The following LRRTM4 variants were observed in gnomAD, a reference collection of about 807,000 sequenced individuals.
The protein encoded by LRRTM4 is leucine rich repeat transmembrane neuronal 4, also known as leucine-rich repeat transmembrane neuronal protein 4.
LRRTM4 carries 25 observed loss-of-function variants against 47.6 expected under a neutral mutation model. The ratio of observed to expected loss-of-function variants is 0.53; its 90% CI spans 0.38 to 0.73. The LOEUF (loss-of-function observed/expected upper bound fraction) is 0.73, where lower values mean the gene tolerates loss of function less well. Among genes scored for constraint, LRRTM4 ranks in the 30% least tolerant of loss-of-function variants. LRRTM4 has a pLI of 0.00. For missense variants in LRRTM4, 638 were observed against 713.4 expected, an observed-to-expected ratio of 0.89 and a Z score of 1.20; for synonymous variants, 311 against 269.5, an observed-to-expected ratio of 1.15 and a Z score of -1.51.
At chr2:76,827,155 G>T (rs1368518805) in intron 3 of LRRTM4, among the ~76,000 whole-genome samples, 2 of 151,814 alleles carry the variant, frequency 1.3e-5, no homozygotes, top group Non-Finnish European at 2.9e-5. Flanking sequence ...GAGATAATGT[G>T]CTGGCCACAC....
At chr2:77,236,568 G>A (rs1036793682) in intron 3 of LRRTM4, among the ~76,000 whole-genome samples, 12 of 151,936 alleles carry the variant, frequency 7.9e-5, no homozygotes, top group African/African-American at 2.2e-4. Flanking sequence ...TGTTGAATGG[G>A]AATGATGAGA....
intron 3 of LRRTM4, among the ~76,000 whole-genome samples, chr2:77,393,286 G>C (rs1673575799): frequency 6.6e-6 from 1 of 151,840 alleles, no homozygotes; most frequent in Non-Finnish European, 1.5e-5. Context: ...CCCTCCCACG[G>C]CATAGAGTCT....
chr2:77,102,064 C>T (rs980058841), intron 3 of LRRTM4, among the ~76,000 whole-genome samples: 1 of 152,216 alleles, frequency 6.6e-6, no homozygotes, highest in African/African-American at 2.4e-5. Context: ...TCTGTGTGTG[C>T]TGTTTCAGCA....
At chr2:77,387,375 T>A (rs772734560) in intron 3 of LRRTM4, among the ~76,000 whole-genome samples, 3 of 152,162 alleles carry the variant, frequency 2.0e-5, no homozygotes, top group Non-Finnish European at 4.4e-5. Context: ...GGACTTCTCA[T>A]GTTCCTGTAT....
intron 3 of LRRTM4, among the ~76,000 whole-genome samples, chr2:77,071,799 C>T (rs982601773): frequency 6.6e-6 from 1 of 152,260 alleles, no homozygotes; most frequent in Non-Finnish European, 1.5e-5. Flanking sequence ...TATACAGTAT[C>T]TGTTGTTGAT....
intron 3 of LRRTM4, among the ~76,000 whole-genome samples, chr2:77,299,046 C>T (rs981305010): frequency 1.8e-4 from 28 of 152,056 alleles, no homozygotes; most frequent in African/African-American, 6.5e-4. Context: ...GTTTACATAA[C>T]GTATAAAAAT....
chr2:77,267,724 C>T lies in LRRTM4; in HGVS notation c.1551+250594G>A, dbSNP rs543268514. On this transcript the variant is annotated intron_variant, in intron 3 of 3. Transcript: ENST00000409884. ...TATTTTTTTTTGATAATGCTCCTTT[C>T]AAGTTCAAAAATATCCTAGTTTGGA... is the stretch of plus-strand genomic sequence containing the variant. Among the ~76,000 whole-genome samples the T allele has an allele frequency of 3.9e-4, 55 of 142,534 alleles. 1 individual carries two copies. The highest frequency in any genetic ancestry group is 1.3e-3 in the African/African-American group (52 of 38,636). 93.5% of individuals were successfully genotyped at this position (142,534 alleles called of 152,430 possible).
Position 76,955,166 on chromosome 2 carries a change from T to C in LRRTM4, c.1552-206250A>G, listed in dbSNP as rs1675629440. ...TGAAGCTCACTGATAAGGGTAAATT[T>C]ATAGATAAATAAAAATATGGTAATT... On this transcript the variant is annotated intron_variant, in intron 3 of 3. Coordinates refer to ENST00000409884, the MANE Select transcript of LRRTM4 (RefSeq NM_001134745.3). 2.0e-5 allele frequency among the ~76,000 whole-genome samples: 3 copies of C among 151,870 alleles called. No homozygotes were observed. In the South Asian group the frequency reaches 6.2e-4, roughly 31 times the overall value.
chr2:77,186,421 G>A (rs546198913), intron 3 of LRRTM4, among the ~76,000 whole-genome samples: 1 of 152,248 alleles, frequency 6.6e-6, no homozygotes, highest in South Asian at 2.1e-4. Flanking sequence ...TGGATTTTAT[G>A]CTCCTGGGTA....
chr2:76,929,701 G>A (rs1019334923), intron 3 of LRRTM4, among the ~76,000 whole-genome samples: 3 of 152,076 alleles, frequency 2.0e-5, no homozygotes, highest in Non-Finnish European at 4.4e-5. Context: ...TTATGACAAA[G>A]CCCTTTCTGT....
At chr2:77,172,646 T>C (rs796475790) in intron 3 of LRRTM4, among the ~76,000 whole-genome samples, 19 of 152,166 alleles carry the variant, frequency 1.2e-4, no homozygotes, top group African/African-American at 4.6e-4. Context: ...AACTACAACA[T>C]ACAAACAATA....
At chr2:76,997,972 C>T (rs186150711) in intron 3 of LRRTM4, among the ~76,000 whole-genome samples, 11 of 152,174 alleles carry the variant, frequency 7.2e-5, no homozygotes, top group African/African-American at 1.7e-4. Flanking sequence ...TGTCTCCCAT[C>T]ACCCCAAGAT....
At chr2:76,854,423 G>T (rs1412208724) in intron 3 of LRRTM4, among the ~76,000 whole-genome samples, 2 of 152,048 alleles carry the variant, frequency 1.3e-5, no homozygotes, top group Non-Finnish European at 2.9e-5. Context: ...CTTTCAATCA[G>T]AAGTAACATG....
At chr2:77,105,831 G>A (rs919689284) in intron 3 of LRRTM4, among the ~76,000 whole-genome samples, 1 of 152,170 alleles carries the variant, frequency 6.6e-6, no homozygotes, top group Non-Finnish European at 1.5e-5. Context: ...AGGTTTCATT[G>A]TACTGTCCTG....
intron 3 of LRRTM4, among the ~76,000 whole-genome samples, chr2:77,264,005 T>C (rs1675986506): frequency 6.7e-6 from 1 of 149,674 alleles, no homozygotes; most frequent in African/African-American, 2.5e-5. Context: ...CGAAACTTCT[T>C]TAAGTTTTTT....
chr2:76,969,609 A>G (rs543158252), intron 3 of LRRTM4, among the ~76,000 whole-genome samples: 39 of 152,020 alleles, frequency 2.6e-4, no homozygotes, highest in African/African-American at 6.5e-4. Flanking sequence ...TGCACTTTCC[A>G]TAATGATTTT....
chr2:77,117,317 A>G lies in LRRTM4; in HGVS notation c.1552-368401T>C, dbSNP rs887999803. On this transcript the variant is annotated intron_variant, in intron 3 of 3. Transcript: ENST00000409884. ...AAAATTTTAGAAAAATAGATAGCAA[A>G]AAGTCACAGGATTTTTGCTGTAAAA... Among the ~76,000 whole-genome samples, 13 of 152,148 alleles carry G rather than the reference A, an allele frequency of 8.5e-5. No homozygotes were observed. In the East Asian group the frequency reaches 1.9e-3, roughly 23 times the overall value.
chr2:77,126,643 G>A lies in LRRTM4; in HGVS notation c.1552-377727C>T, dbSNP rs539353641. Among the ~76,000 whole-genome samples, 43 of 152,254 alleles carry A rather than the reference G, an allele frequency of 2.8e-4. No homozygotes were observed. The South Asian group carries it at 4.1e-3, about 15-fold the overall frequency. On this transcript the variant is annotated intron_variant, in intron 3 of 3. Transcript: ENST00000409884. ...CTCTCATCCTACAAGTGAAATATGC[G>A]TTGTAAAGAGAAATGGGAAGTGACA...
chr2:76,887,713 A>C (rs1211419306), intron 3 of LRRTM4, among the ~76,000 whole-genome samples: 2 of 136,450 alleles, frequency 1.5e-5, no homozygotes, highest in East Asian at 4.2e-4. Context: ...ATGGGAGATA[A>C]AAATTTTAAA....
Sources: gnomAD v4.1 joint callset for allele counts (sites outside exome capture counted in the v4.1 genomes callset) on GRCh38, gnomAD v4.1.1 for gene constraint, MANE v1.5 for transcripts, NCBI Gene and HGNC (gene_info 2026-07-23, HGNC 2026-07-21) for gene names.